Variants in CAMTA1 observed in about 807,000 individuals in gnomAD.
CAMTA1 encodes the protein calmodulin binding transcription activator 1, also known as calmodulin-binding transcription activator 1.
Under a neutral mutation model 170.9 loss-of-function variants are expected in CAMTA1, and 27 were observed. The observed-to-expected ratio is 0.16, with a 90% CI of 0.12 to 0.22. The LOEUF is 0.22. CAMTA1 is among the 10% of genes least tolerant of loss of function. The pLI is 1.00. For missense variants in CAMTA1, 1,619 were observed against 2,217.2 expected (o/e 0.73, Z 5.42); for synonymous variants, 833 against 891.5 (o/e 0.93, Z 1.17).
At position 7,570,615 on chromosome 1, in the gene CAMTA1, T is replaced by C. The variant is rs1244589672; in HGVS notation, c.511-69785T>C. ...AAAGTGGAAGGCAGGGGTGCCTTGC[T>C]GGTTGGTTCATCCAGTTTGTTCTCT... On this transcript the variant is annotated intron_variant, in intron 6 of 22. Transcript: ENST00000303635. The surrounding 1 kb of genome is among the most constrained non-coding windows in gnomAD (Gnocchi z 4.3). Among the ~76,000 whole-genome samples the C allele has an allele frequency of 1.3e-5, 2 of 152,370 alleles. No homozygotes were observed. The highest frequency in any genetic ancestry group is 1.5e-5 in the Non-Finnish European group (1 of 68,026).
chr1:7,199,931 A>G (rs78865510), intron 4 of CAMTA1, among the ~76,000 whole-genome samples: 2,006 of 152,304 alleles, frequency 0.013, 52 homozygotes, highest in African/African-American at 0.046. Flanking sequence ...ATGAATGTTT[A>G]TACACCTTTG....
chr1:7,538,375 C>T (rs2094572198), intron 6 of CAMTA1, among the ~76,000 whole-genome samples: 1 of 152,114 alleles, frequency 6.6e-6, no homozygotes, highest in Non-Finnish European at 1.5e-5. Flanking sequence ...AAAAAAAATA[C>T]CCAGGCTGGG....
chr1:6,889,504 A>G (rs2149126030), intron 3 of CAMTA1, among the ~76,000 whole-genome samples: 1 of 152,368 alleles, frequency 6.6e-6, no homozygotes, highest in Non-Finnish European at 1.5e-5. Flanking sequence ...AGTAAGTGGG[A>G]TGTGCTTAGA....
chr1:7,535,679 C>T (rs1242213101), intron 6 of CAMTA1, among the ~76,000 whole-genome samples: 2 of 152,134 alleles, frequency 1.3e-5, no homozygotes, highest in South Asian at 2.1e-4. Context: ...GAAGACCACA[C>T]CTCCTGAACC....
At chr1:7,343,479 A>T (rs2083991400) in intron 5 of CAMTA1, among the ~76,000 whole-genome samples, 1 of 152,216 alleles carries the variant, frequency 6.6e-6, no homozygotes, top group Non-Finnish European at 1.5e-5. Flanking sequence ...GAGTAATTAG[A>T]TGAATTATAA....
In CAMTA1 at chr1:7,073,500, G is replaced by A. The variant is rs571224123; in HGVS notation, c.235-17804G>A. On this transcript the variant is annotated intron_variant, in intron 3 of 22. Coordinates refer to ENST00000303635, the MANE Select transcript of CAMTA1 (RefSeq NM_015215.4). ...GTGAACAAGGCCCAGGGGAGATTTG[G>A]GGCAATCTGATGTTTAGAGGACAGG... Among the ~76,000 whole-genome samples, 4 of 152,174 alleles carry A rather than the reference G, an allele frequency of 2.6e-5. No homozygotes were observed. The South Asian group carries it at 8.3e-4, about 32-fold the overall frequency.
chr1:6,925,574 TC>T (rs1682930795), intron 3 of CAMTA1, among the ~76,000 whole-genome samples: 1 of 152,044 alleles, frequency 6.6e-6, no homozygotes, highest in Non-Finnish European at 1.5e-5. Flanking sequence ...GAGGAGTGCG[TC>T]CCTGTAGCCT....
intron 5 of CAMTA1, among the ~76,000 whole-genome samples, chr1:7,417,190 G>A (rs2091240330): frequency 1.3e-5 from 2 of 152,360 alleles, no homozygotes; most frequent in South Asian, 2.1e-4. Context: ...GCCCCTACTG[G>A]GGGGTGCCTC....
intron 9 of CAMTA1, among the ~76,000 whole-genome samples, chr1:7,667,654 A>ACAT (rs1051915403): frequency 1.3e-5 from 2 of 152,042 alleles, no homozygotes; most frequent in African/African-American, 2.4e-5. Flanking sequence ...GGCGAGTGGG[A>ACAT]CATTAGCAGG....
Position 7,751,269 on chromosome 1 carries a change from A to G in CAMTA1, c.4760A>G (p.Gln1587Arg), listed in dbSNP as rs1435975211. The change falls in exon 20 of 23, where the codon CAA becomes CGA. Residue 1587 changes from glutamine to arginine, a missense_variant. By Grantham distance (43) the Gln-to-Arg change is conservative. Coordinates refer to ENST00000303635, the MANE Select transcript of CAMTA1 (RefSeq NM_015215.4). Reference protein sequence around the residue: ...IQSKFRSYYEQKKFQQSRRAA... With the variant: ...IQSKFRSYYERKKFQQSRRAA... ...AGCAAATTCCGAAGTTACTATGAAC[A>G]AAAAAAATTCCAGCAGAGCCGACGG... 3.7e-6 allele frequency: 6 copies of G among 1,605,644 alleles called. No individual in the cohort carries two copies. The highest frequency in any genetic ancestry group is 5.1e-6 in the Non-Finnish European group (6 of 1,176,200).
At chr1:7,346,009 C>A (rs558099963) in intron 5 of CAMTA1, among the ~76,000 whole-genome samples, 12 of 152,228 alleles carry the variant, frequency 7.9e-5, no homozygotes, top group African/African-American at 2.9e-4. Context: ...TCCCTAAATA[C>A]CAGAGAAGTC....
intron 3 of CAMTA1, among the ~76,000 whole-genome samples, chr1:6,829,556 A>G (rs1648859727): frequency 6.6e-6 from 1 of 152,258 alleles, no homozygotes; most frequent in South Asian, 2.1e-4. Flanking sequence ...TATGTATTGA[A>G]CATCCTTTGT....
intron 4 of CAMTA1, among the ~76,000 whole-genome samples, chr1:7,243,955 C>A (rs1204860337): frequency 1.3e-5 from 2 of 152,130 alleles, no homozygotes; most frequent in Non-Finnish European, 2.9e-5. Context: ...GAAAAGGCAA[C>A]CTACAGAATG....
Position 7,751,336 on chromosome 1 carries a change from A to C in CAMTA1, c.4827A>C (p.Lys1609Asn). The C allele has an allele frequency of 6.2e-7, 1 of 1,611,270 alleles. No homozygotes were observed. The highest frequency in any genetic ancestry group is 2.2e-5 in the East Asian group (1 of 44,830). Residue 1609 changes from lysine to asparagine, a missense_variant, in exon 20 of 23, where the codon AAA becomes AAC. Lys to Asn is a moderately conservative substitution (Grantham distance 94). This residue lies in a region of CAMTA1 where 128 missense variants were observed against 213.5 expected (regional missense o/e 0.60). Transcript: ENST00000303635. ...AAAAGTACTACCGAAGTTATAAGAA[A>C]TGTGGCAAAAGACGGCAGGCTCGCC... Reference protein sequence around the residue: ...LIQKYYRSYKKCGKRRQARRT... With the variant: ...LIQKYYRSYKNCGKRRQARRT...
chr1:7,515,042 T>C (rs145152789), intron 6 of CAMTA1, among the ~76,000 whole-genome samples: 1,584 of 90,604 alleles, frequency 0.017, 1 homozygote, highest in Middle Eastern at 0.068. Flanking sequence ...GGCTGGTCCT[T>C]CCCGGCTCCC....
intron 3 of CAMTA1, among the ~76,000 whole-genome samples, chr1:6,841,481 C>CTAAT (rs1557675345): frequency 1.3e-5 from 2 of 151,806 alleles, no homozygotes; most frequent in African/African-American, 4.8e-5. Flanking sequence ...ATGGGTGGTT[C>CTAAT]CAGTGGAGTG....
chr1:6,910,371 C>G (rs1477776729), intron 3 of CAMTA1, among the ~76,000 whole-genome samples: 2 of 152,226 alleles, frequency 1.3e-5, no homozygotes, highest in African/African-American at 4.8e-5. Context: ...AGTTTTCTTT[C>G]AGCTTCTGCA....
intron 2 of CAMTA1, among the ~76,000 whole-genome samples, chr1:6,823,030 C>T (rs1279838174): frequency 6.6e-6 from 1 of 151,998 alleles, no homozygotes; most frequent in African/African-American, 2.4e-5. Context: ...CAGAGCAAGC[C>T]CATCCATTGA....
At chr1:6,968,992 G>A (rs1318584330) in intron 3 of CAMTA1, among the ~76,000 whole-genome samples, 1 of 152,132 alleles carries the variant, frequency 6.6e-6, no homozygotes, top group Non-Finnish European at 1.5e-5. Flanking sequence ...GTCTTGCCAA[G>A]TTGAGGGACA....
Sources: gnomAD v4.1 joint callset for allele counts (sites outside exome capture counted in the v4.1 genomes callset) on GRCh38, gnomAD v4.1.1 for gene constraint, gnomAD v4.1.1 regional missense constraint, Gnocchi (gnomAD v3.1) non-coding constraint, MANE v1.5 for transcripts, NCBI Gene and HGNC (gene_info 2026-07-23, HGNC 2026-07-21) for gene names.